Variants in NIT2 observed in about 807,000 individuals in gnomAD.
The protein encoded by NIT2 is nitrilase family member 2.
Under a neutral mutation model 42.7 loss-of-function variants are expected in NIT2, and 46 were observed. That is an observed-to-expected ratio of 1.08 (90% CI 0.85 to 1.38). NIT2 has a LOEUF of 1.38. Among genes scored for constraint, NIT2 ranks in the 40% most tolerant of loss-of-function variants. The probability of loss-of-function intolerance (pLI) is 0.00; values close to 1 mark genes in which losing one functional copy is unlikely to be tolerated. For missense variants in NIT2, 309 were observed against 342.5 expected (o/e 0.90, Z 0.77); for synonymous variants, 123 against 121.9 (o/e 1.01, Z -0.06).
intron 1 of NIT2, among the ~76,000 whole-genome samples, chr3:100,338,039 C>T (rs1231683855): frequency 1.3e-5 from 2 of 152,092 alleles, no homozygotes; most frequent in Admixed American, 1.3e-4. Context: ...CCACTGCACT[C>T]CAGCCTAGGC....
In NIT2 at chr3:100,345,758, G is replaced by C. The variant is rs73862460; in HGVS notation, c.430+80G>C. 6 of 874,270 alleles carry C rather than the reference G, an allele frequency of 6.9e-6. No individual in the cohort carries two copies. The African/African-American group carries it at 8.4e-5, about 12-fold the overall frequency. The allele number at this position is 874,270 out of a possible 1,614,324, so 54.2% of individuals were successfully genotyped here. A position where few individuals can be genotyped will look rare whatever the true frequency, so the allele number is the denominator to read the frequency against. ...ATTTATTTCTTTTTTGTCTCTCTCC[G>C]ATTTCTTCACATAACCTAACTGAAA... On this transcript the variant is annotated intron_variant, in intron 5 of 9. Transcript: ENST00000394140.
In NIT2 at chr3:100,355,284, T is replaced by G. The variant is rs1343309791; in HGVS notation, c.*16T>G. ...AAAGCCCTAAAGTTTATGTTTCTAA[T>G]GTGTCACAGAATAGGACGATATGAT... is the stretch of plus-strand genomic sequence containing the variant. On this transcript the variant is annotated 3_prime_UTR_variant, in exon 10 of 10. Transcript: ENST00000394140. 1 of 1,563,094 alleles carries G rather than the reference T, an allele frequency of 6.4e-7. No individual in the cohort carries two copies. The highest frequency in any genetic ancestry group is 1.4e-5 in the African/African-American group (1 of 73,888).
chr3:100,352,290 A>G (rs750810352), intron 7 of NIT2, 114 bp from the exon 8 acceptor site: 5 of 732,676 alleles, frequency 6.8e-6, no homozygotes, highest in Non-Finnish European at 9.2e-6. Flanking sequence ...TTCCTTCTAC[A>G]TCTGAGTTAG....
Position 100,352,444 on chromosome 3 carries a change from G to T in NIT2, c.625G>T (p.Ala209Ser). The change falls in exon 8 of 10, where the codon GCC (alanine) becomes TCC (serine). Residue 209 changes from alanine (A) to serine (S), a missense_variant. Ala to Ser is a moderately conservative substitution (Grantham distance 99). Coordinates refer to ENST00000394140, the MANE Select transcript of NIT2 (RefSeq NM_020202.5). ...GGTGTATGTGGCCACAGCCTCTCCTGCCCGGGATGACAAAGCCTCCTATGT... is the reference window on the plus strand; with the variant it reads ...GGTGTATGTGGCCACAGCCTCTCCTTCCCGGGATGACAAAGCCTCCTATGT... ...NQVYVATASPARDDKASYVAW... is the reference protein window; with the variant it reads ...NQVYVATASPSRDDKASYVAW... 6.2e-7 allele frequency: 1 copy of T among 1,613,454 alleles called. No homozygotes were observed. Among genetic ancestry groups the T allele is most frequent in the Non-Finnish European group, 8.5e-7 (1 of 1,179,566 alleles).
intron 1 of NIT2, among the ~76,000 whole-genome samples, chr3:100,336,752 T>G (rs1008793350): frequency 5.9e-5 from 9 of 152,028 alleles, no homozygotes; most frequent in African/African-American, 2.2e-4. Context: ...TAGAATCGGG[T>G]TTTATACCGA....
chr3:100,348,916 A>C, intron 7 of NIT2, 35 bp downstream of exon 7: 1 of 1,580,712 alleles, frequency 6.3e-7, no homozygotes, highest in East Asian at 2.2e-5. Context: ...GCCTCTCGGC[A>C]TGTCCTCTTT....
rs138246173 is a variant in NIT2 at position 100,360,638 on chromosome 3, C to T, written c.*5370C>T. 4 of 152,258 alleles carry T rather than the reference C, an allele frequency of 2.6e-5. No homozygotes were observed. The East Asian group carries it at 7.7e-4, about 29-fold the overall frequency. 9.4% of individuals were successfully genotyped at this position (152,258 alleles called of 1,614,324 possible). On this transcript the variant is annotated 3_prime_UTR_variant, in exon 10 of 10. Transcript: ENST00000394140. ...CCTGATGCTCAGGCCAGTAATTTCT[C>T]CCTGCATCATGCTGTTGTCTAAGGC...
intron 3 of NIT2, among the ~76,000 whole-genome samples, chr3:100,340,348 G>A (rs1706135129): frequency 6.6e-6 from 1 of 152,144 alleles, no homozygotes; most frequent in Non-Finnish European, 1.5e-5. Flanking sequence ...TTACAGGTGT[G>A]AGCCATCATG....
In NIT2 at chr3:100,347,295, C is replaced by T. The variant is rs557693168; in HGVS notation, c.505+1040C>T. ...ATTTTTAGTAGTTATGGGGTTTCAC[C>T]GTGTTGGCCAGACTGGTCTTGAACT... is the stretch of plus-strand genomic sequence containing the variant. On this transcript the variant is annotated intron_variant, in intron 6 of 9. Transcript: ENST00000394140. 4.6e-5 allele frequency among the ~76,000 whole-genome samples: 7 copies of T among 152,244 alleles called. No individual in the cohort carries two copies. In the South Asian group the frequency reaches 1.2e-3, roughly 27 times the overall value.
At chr3:100,350,909 A>G (rs1706266397) in intron 7 of NIT2, among the ~76,000 whole-genome samples, 1 of 144,876 alleles carries the variant, frequency 6.9e-6, no homozygotes. Context: ...TCGTGTGTCC[A>G]TGTGTTCTCA....
Position 100,358,022 on chromosome 3 carries a change from C to G in NIT2, c.*2754C>G, listed in dbSNP as rs1309102502. On this transcript the variant is annotated 3_prime_UTR_variant, in exon 10 of 10. Coordinates refer to ENST00000394140, the MANE Select transcript of NIT2 (RefSeq NM_020202.5). ...CGAACTCCTGGCCTCAAGTGATCCA[C>G]CAGCCTTGGCCTCCCCAAAGTGTTG... 1 of 72,990 alleles carries G rather than the reference C, an allele frequency of 1.4e-5. No homozygotes were observed. Among genetic ancestry groups the G allele is most frequent in the Non-Finnish European group, 2.5e-5 (1 of 40,724 alleles). The allele number at this position is 72,990 out of a possible 1,614,324, so 4.5% of individuals were successfully genotyped here.
rs1706319144 is a variant in NIT2 at position 100,355,616 on chromosome 3, G to A, written c.*348G>A. On this transcript the variant is annotated 3_prime_UTR_variant, in exon 10 of 10. Coordinates refer to ENST00000394140, the MANE Select transcript of NIT2 (RefSeq NM_020202.5). The stretch of plus-strand genomic sequence containing the variant: ...GTCATGAACCTCTTATCCCGTTGCT[G>A]GAGTTGTAATCTCCATCATCTAGAA... 1 of 184,610 alleles carries A rather than the reference G, an allele frequency of 5.4e-6. No individual in the cohort carries two copies. Among genetic ancestry groups the A allele is most frequent in the East Asian group, 1.4e-4 (1 of 6,900 alleles). 11.4% of individuals were successfully genotyped at this position (184,610 alleles called of 1,614,324 possible). A position where few individuals can be genotyped will look rare whatever the true frequency, so the allele number is the denominator to read the frequency against.
At chr3:100,340,043 G>T in intron 3 of NIT2, 108 bp downstream of exon 3, 2 of 852,036 alleles carry the variant, frequency 2.3e-6, no homozygotes, top group South Asian at 2.2e-5. Context: ...TTCAGCTTGG[G>T]AAGCTGAAGC....
intron 1 of NIT2, among the ~76,000 whole-genome samples, chr3:100,336,811 C>G (rs1706080435): frequency 1.3e-5 from 2 of 152,160 alleles, no homozygotes; most frequent in African/African-American, 4.8e-5. Flanking sequence ...CTGCCTTCCT[C>G]TTGTCTCAAC....
Position 100,356,941 on chromosome 3 carries a change from A to G in NIT2, c.*1673A>G, listed in dbSNP as rs546897077. The G allele has an allele frequency of 7.9e-5, 12 of 152,200 alleles. No homozygotes were observed. The highest frequency in any genetic ancestry group is 1.3e-4 in the Non-Finnish European group (9 of 68,038). 9.4% of individuals were successfully genotyped at this position (152,200 alleles called of 1,614,324 possible). On this transcript the variant is annotated 3_prime_UTR_variant, in exon 10 of 10. Coordinates refer to ENST00000394140, the MANE Select transcript of NIT2 (RefSeq NM_020202.5). ...AACTCAAAATTACTTCTTTCACTCA[A>G]AATCACTCAAAATTACATACTCTGT...
chr3:100,336,828 G>A (rs181155611), intron 1 of NIT2, among the ~76,000 whole-genome samples: 32 of 152,266 alleles, frequency 2.1e-4, no homozygotes, highest in Admixed American at 1.6e-3. Context: ...CAACTGCAAA[G>A]AGGCGTTCCT....
At chr3:100,343,527 T>G (rs1706178073) in intron 4 of NIT2, among the ~76,000 whole-genome samples, 1 of 152,208 alleles carries the variant, frequency 6.6e-6, no homozygotes, top group Non-Finnish European at 1.5e-5. Context: ...ATATTAAAAT[T>G]TTCAGTTCTG....
chr3:100,340,019 CCTACTTGGGAAGCTT>C, intron 3 of NIT2, 84 bp downstream of exon 3: 4 of 1,176,262 alleles, frequency 3.4e-6, no homozygotes, highest in Non-Finnish European at 4.7e-6. Context: ...GCCTGTATTC[CCTACTTGGGAAGCTT>C]CAGCTTGGGA....
chr3:100,343,517 A>T (rs1706177992), intron 4 of NIT2, among the ~76,000 whole-genome samples: 1 of 152,170 alleles, frequency 6.6e-6, no homozygotes, highest in African/African-American at 2.4e-5. Flanking sequence ...AAAAATTGAG[A>T]TATTAAAATT....
Sources: allele counts gnomAD v4.1 joint callset (sites outside exome capture counted in the v4.1 genomes callset), GRCh38; gene constraint gnomAD v4.1.1; transcripts MANE v1.5; gene names NCBI Gene and HGNC (gene_info 2026-07-23, HGNC 2026-07-21).